Variants in PDK1 observed in about 807,000 individuals in gnomAD.
The protein encoded by PDK1 is [Pyruvate dehydrogenase (acetyl-transferring)] kinase isozyme 1, mitochondrial.
In PDK1, 39 loss-of-function variants were observed where a neutral mutation model predicts 54.2. The observed-to-expected ratio is 0.72, with a 90% confidence interval of 0.56 to 0.94. The LOEUF is 0.94. Among genes scored for constraint, PDK1 ranks in the 40% least tolerant of loss-of-function variants. The pLI, the probability that PDK1 is intolerant of heterozygous loss-of-function variation, is 0.00. For missense variants in PDK1, 552 were observed against 566.0 expected (o/e 0.98, Z 0.25); for synonymous variants, 221 against 207.1 (o/e 1.07, Z -0.58).
At chr2:172,662,731 T>C in the PDK1 span, among the ~76,000 whole-genome samples, 1 of 152,170 alleles carries the variant, frequency 6.6e-6, no homozygotes, top group Non-Finnish European at 1.5e-5. Context: ...TACAAAGCAC[T>C]TCTTTGCAGC....
the PDK1 span, among the ~76,000 whole-genome samples, chr2:172,635,505 G>A: frequency 2.6e-5 from 4 of 152,178 alleles, no homozygotes; most frequent in Non-Finnish European, 1.5e-5. Flanking sequence ...TAATAGAGAT[G>A]AGTTTTTGCC....
chr2:172,601,856 G>A lies in PDK1; in HGVS notation c.*5887G>A, dbSNP rs1691126988. On this transcript the variant is annotated 3_prime_UTR_variant, in exon 11 of 11. Transcript: ENST00000282077. ...AACAGTATTTAGATTTTTTTTTAAA[G>A]GACATAACTACCAATAGAGATTTAA... 1 of 151,970 alleles carries A rather than the reference G, an allele frequency of 6.6e-6. No individual in the cohort carries two copies. The highest frequency in any genetic ancestry group is 1.5e-5 in the Non-Finnish European group (1 of 67,976). The allele number at this position is 151,970 out of a possible 1,614,324, so 9.4% of individuals were successfully genotyped here.
At chr2:172,569,837 C>A (rs1689150350) in intron 7 of PDK1, among the ~76,000 whole-genome samples, 1 of 152,168 alleles carries the variant, frequency 6.6e-6, no homozygotes, top group Admixed American at 6.5e-5. Context: ...GCACCTAGCC[C>A]TAAAATCTTT....
chr2:172,616,759 C>T, the PDK1 span, among the ~76,000 whole-genome samples: 39 of 152,098 alleles, frequency 2.6e-4, no homozygotes, highest in African/African-American at 9.2e-4. Flanking sequence ...AAATAATGCT[C>T]CCTCTTGAAT....
the PDK1 span, among the ~76,000 whole-genome samples, chr2:172,688,545 T>A: frequency 6.6e-6 from 1 of 152,108 alleles, no homozygotes; most frequent in Non-Finnish European, 1.5e-5. Context: ...TTAGTTTGCA[T>A]CCTCTAAGGA....
rs137856670 is a variant in PDK1, at chr2:172,564,640, G to A, written c.548G>A (p.Arg183Gln). The change falls in exon 4 of 11, where the codon CGA becomes CAA. Residue 183 changes from arginine to glutamine, a missense_variant. By Grantham distance (43) the Arg-to-Gln change is conservative. Coordinates refer to ENST00000282077, the MANE Select transcript of PDK1 (RefSeq NM_002610.5). ...CAGAATGTTCAGTACTTTTTGGATC[G>A]ATTCTACATGAGTCGCATTTCAATT... ...TSQNVQYFLD[R>Q]FYMSRISIRM... The A allele has an allele frequency of 3.7e-6, 6 of 1,614,020 alleles. No individual in the cohort carries two copies. The highest frequency in any genetic ancestry group is 2.2e-5 in the East Asian group (1 of 44,886).
the PDK1 span, among the ~76,000 whole-genome samples, chr2:172,685,296 G>A: frequency 6.6e-6 from 1 of 152,178 alleles, no homozygotes; most frequent in African/African-American, 2.4e-5. Context: ...TCTAGTCATA[G>A]ACCACAATGG....
chr2:172,638,179 C>T, the PDK1 span, among the ~76,000 whole-genome samples: 1 of 152,194 alleles, frequency 6.6e-6, no homozygotes, highest in South Asian at 2.1e-4. Context: ...ACACCATGGA[C>T]TGCTGCCATG....
chr2:172,664,034 A>C, the PDK1 span, among the ~76,000 whole-genome samples: 1 of 148,228 alleles, frequency 6.7e-6, no homozygotes, highest in African/African-American at 2.5e-5. Flanking sequence ...TTGCCTTGCC[A>C]GGCGCGGTGG....
chr2:172,565,924 T>G (rs1459307684), intron 5 of PDK1, among the ~76,000 whole-genome samples: 1 of 152,234 alleles, frequency 6.6e-6, no homozygotes, highest in Non-Finnish European at 1.5e-5. Flanking sequence ...GTTGTTTTAA[T>G]TTTTTTCTGT....
intron 2 of PDK1, among the ~76,000 whole-genome samples, chr2:172,560,998 G>T (rs887305499): frequency 2.1e-4 from 32 of 152,124 alleles, no homozygotes; most frequent in African/African-American, 7.5e-4. Context: ...TGATCTAATC[G>T]CAATTTAAAA....
chr2:172,694,350 CA>C, the PDK1 span, among the ~76,000 whole-genome samples: 1 of 152,156 alleles, frequency 6.6e-6, no homozygotes, highest in African/African-American at 2.4e-5. Flanking sequence ...TTTATTTCTT[CA>C]CAGAGCTAAA....
At chr2:172,673,283 G>T in the PDK1 span, among the ~76,000 whole-genome samples, 1 of 152,144 alleles carries the variant, frequency 6.6e-6, no homozygotes, top group African/African-American at 2.4e-5. Flanking sequence ...GTGTTTATTG[G>T]AGTTGTACGC....
chr2:172,577,960 C>A (rs1689667747), intron 8 of PDK1, among the ~76,000 whole-genome samples: 1 of 152,088 alleles, frequency 6.6e-6, no homozygotes, highest in Non-Finnish European at 1.5e-5. Context: ...GTCTAGTATC[C>A]TTTTGTTTCA....
rs972805356 is a variant in PDK1 at position 172,601,474 on chromosome 2, C to G, written c.*5505C>G. 8.5e-5 allele frequency: 13 copies of G among 152,256 alleles called. No individual in the cohort carries two copies. The highest frequency in any genetic ancestry group is 2.9e-4 in the African/African-American group (12 of 41,554). The allele number at this position is 152,256 out of a possible 1,614,324, so 9.4% of individuals were successfully genotyped here. On this transcript the variant is annotated 3_prime_UTR_variant, in exon 11 of 11. Coordinates refer to ENST00000282077, the MANE Select transcript of PDK1 (RefSeq NM_002610.5). ...TGGGGTTGGTTTCTCCCATGCTGTT[C>G]TCGTGATAGTTCCCATGAGATCTGA...
At chr2:172,558,628 C>T in intron 1 of PDK1, 80 bp from the exon 2 acceptor site, 1 of 1,272,920 alleles carries the variant, frequency 7.9e-7, no homozygotes, top group South Asian at 1.5e-5. Flanking sequence ...GGATAACTTC[C>T]TCTCTATTTC....
chr2:172,713,718 A>G, the PDK1 span, among the ~76,000 whole-genome samples: 1 of 152,236 alleles, frequency 6.6e-6, no homozygotes, highest in Non-Finnish European at 1.5e-5. Context: ...CTGGGCCTCC[A>G]GAAGCACAGG....
Position 172,566,911 on chromosome 2 carries a change from A to G in PDK1, c.747A>G (p.Glu249=), listed in dbSNP as rs778525863. 2.5e-6 allele frequency: 4 copies of G among 1,609,348 alleles called. No individual in the cohort carries two copies. The South Asian group carries it at 3.3e-5, about 13-fold the overall frequency. ...ATTTGTATTATATTAACTCTCCCGAACTAGAACTTGAAGAACTAAATGGTA... is the reference window on the plus strand; with the variant it reads ...ATTTGTATTATATTAACTCTCCCGAGCTAGAACTTGAAGAACTAAATGGTA... ...LCDLYYINSP[E]LELEELNAKS... is the part of the protein sequence containing the mutation. The change falls in exon 6 of 11, where the codon GAA becomes GAG. Residue 249 remains glutamate, a synonymous_variant. Transcript: ENST00000282077.
At position 172,595,946 on chromosome 2, in the gene PDK1, A is replaced by T. The variant is rs767818773; in HGVS notation, c.1288A>T (p.Met430Leu). Residue 430 changes from methionine to leucine, a missense_variant, in exon 11 of 11, where the codon ATG becomes TTG. Met to Leu is a conservative substitution (Grantham distance 15, BLOSUM62 2). Transcript: ENST00000282077. ...CGTCCCCAGCAGAGAACCCAAAGACATGACGACGTTCCGCAGTGCCTAGAC... is the reference window on the plus strand; with the variant it reads ...CGTCCCCAGCAGAGAACCCAAAGACTTGACGACGTTCCGCAGTGCCTAGAC... ...WCVPSREPKD[M>L]TTFRSA The T allele has an allele frequency of 6.2e-7, 1 of 1,613,008 alleles. No homozygotes were observed. The highest frequency in any genetic ancestry group is 1.7e-5 in the Admixed American group (1 of 59,892).
Sources: allele counts gnomAD v4.1 joint callset (sites outside exome capture counted in the v4.1 genomes callset), GRCh38; gene constraint gnomAD v4.1.1; transcripts MANE v1.5; gene names NCBI Gene and HGNC (gene_info 2026-07-23, HGNC 2026-07-21).